Variants in PIK3C2A observed in about 807,000 individuals in gnomAD.
PIK3C2A encodes phosphatidylinositol 4-phosphate 3-kinase C2 domain-containing subunit alpha.
PIK3C2A carries 97 observed loss-of-function variants against 204.5 expected under a neutral mutation model. That is an observed-to-expected ratio of 0.47 (90% CI 0.40 to 0.56). PIK3C2A has a LOEUF of 0.56. PIK3C2A is among the 20% of genes least tolerant of loss of function. PIK3C2A has a pLI of 0.00. For missense variants in PIK3C2A, 1,735 were observed against 1,969.2 expected (o/e 0.88, Z 2.25); for synonymous variants, 653 against 664.4 (o/e 0.98, Z 0.26).
chr11:17,092,064 T>A lies in PIK3C2A; in HGVS notation c.4574A>T (p.Asp1525Val). 10 of 1,605,308 alleles carry A rather than the reference T, an allele frequency of 6.2e-6. No individual in the cohort carries two copies. The highest frequency in any genetic ancestry group is 8.5e-6 in the Non-Finnish European group (10 of 1,172,074). Residue 1525 changes from aspartate (D) to valine (V), a missense_variant, in exon 30 of 33, where the codon GAT (aspartate) becomes GTT (valine). Coordinates refer to ENST00000691414, the MANE Select transcript of PIK3C2A (RefSeq NM_002645.4). ...AGGGTGGAAGAAAGTACAAACAAGA[T>A]CACACTAAGAATAAAGAGAAAGCAA... is the stretch of plus-strand genomic sequence containing the variant. The part of the protein sequence containing the change: ...MNASTDVAEC[D>V]LVCTFFHPLL...
At chr11:17,178,711 GAATTTTTTTTT>G (rs1264581889) in intron 1 of PIK3C2A, among the ~76,000 whole-genome samples, 13 of 89,262 alleles carry the variant, frequency 1.5e-4, no homozygotes, top group Non-Finnish European at 1.3e-4. Context: ...GTTGATTTTT[GAATTTTTTTTT>G]TTTTTTTTTT....
At chr11:17,098,865 G>A (rs576680028) in intron 26 of PIK3C2A, among the ~76,000 whole-genome samples, 5 of 152,182 alleles carry the variant, frequency 3.3e-5, no homozygotes, top group African/African-American at 1.2e-4. Flanking sequence ...TAACCAGCCT[G>A]ATCACCAGAC....
intron 1 of PIK3C2A, among the ~76,000 whole-genome samples, chr11:17,175,826 A>G (rs1425401136): frequency 2.0e-5 from 3 of 152,170 alleles, no homozygotes; most frequent in Non-Finnish European, 4.4e-5. Context: ...AAACCCCAGA[A>G]AACAGAAAAA....
chr11:17,192,989 T>A (rs576107913), intron 1 of PIK3C2A, among the ~76,000 whole-genome samples: 7 of 152,314 alleles, frequency 4.6e-5, no homozygotes, highest in Admixed American at 4.6e-4. Flanking sequence ...GGGAGTACAC[T>A]CACACAATGT....
chr11:17,188,305 C>T lies in PIK3C2A; in HGVS notation c.-65-18499G>A, dbSNP rs1258529652. Among the ~76,000 whole-genome samples, 2 of 146,136 alleles carry T rather than the reference C, an allele frequency of 1.4e-5. 1 individual carries two copies. Reference sequence around the variant, plus strand: ...AGTGAGCTGAGATCATGCACCACTACACTCCAACCTGGGTGACAGAGTGAG... The same window carrying T: ...AGTGAGCTGAGATCATGCACCACTATACTCCAACCTGGGTGACAGAGTGAG... On this transcript the variant is annotated intron_variant, in intron 1 of 32. Transcript: ENST00000691414.
At chr11:17,115,664 C>G (rs867941758) in intron 19 of PIK3C2A, 1 of 150,764 alleles carries the variant, frequency 6.6e-6, no homozygotes, top group South Asian at 2.1e-4. Context: ...AAATTTTTAA[C>G]AGAACACTTC....
At position 17,178,775 on chromosome 11, in the gene PIK3C2A, T is replaced by C. The variant is rs1383162906; in HGVS notation, c.-65-8969A>G. Among the ~76,000 whole-genome samples the C allele has an allele frequency of 2.9e-3, 402 of 140,668 alleles. 3 individuals carry two copies. Among genetic ancestry groups the C allele is most frequent in the African/African-American group, 0.01 (379 of 37,674 alleles). 92.3% of individuals were successfully genotyped at this position (140,668 alleles called of 152,430 possible). On this transcript the variant is annotated intron_variant, in intron 1 of 32. Transcript: ENST00000691414. Reference sequence around the variant, plus strand: ...TCTCGCTCTGTCGCCCAGGCCGGACTGCGGACTGCAGTGGCGCAATCTCAG... The same window carrying C: ...TCTCGCTCTGTCGCCCAGGCCGGACCGCGGACTGCAGTGGCGCAATCTCAG...
intron 1 of PIK3C2A, among the ~76,000 whole-genome samples, chr11:17,188,957 G>A (rs1213771704): frequency 6.8e-6 from 1 of 146,912 alleles, no homozygotes; most frequent in African/African-American, 2.7e-5. Flanking sequence ...GAGCAGCAAG[G>A]CAGAGATCTC....
At chr11:17,136,676 C>T (rs765599398) in intron 8 of PIK3C2A, 51 bp from the exon 9 acceptor site, 5 of 1,039,806 alleles carry the variant, frequency 4.8e-6, no homozygotes, top group Non-Finnish European at 7.0e-6. Flanking sequence ...TTTAAAGGAC[C>T]AATTCCAGAG....
rs1852654587 is a variant in PIK3C2A at position 17,207,956 on chromosome 11, C to G, written c.-174G>C. ...CTCAGCCGCCGCCGAAAGCTTCGGC[C>G]GACTCCACAGCCAGCCAAGCGCAGC... On this transcript the variant is annotated 5_prime_UTR_variant, in exon 1 of 33. Transcript: ENST00000691414. 6.6e-6 allele frequency: 1 copy of G among 152,324 alleles called. No individual in the cohort carries two copies. Among genetic ancestry groups the G allele is most frequent in the African/African-American group, 2.4e-5 (1 of 41,454 alleles). The allele number at this position is 152,324 out of a possible 1,614,324, so 9.4% of individuals were successfully genotyped here. A position where few individuals can be genotyped will look rare whatever the true frequency, so the allele number is the denominator to read the frequency against.
intron 8 of PIK3C2A, among the ~76,000 whole-genome samples, chr11:17,139,317 T>C (rs1849978523): frequency 6.6e-6 from 1 of 151,996 alleles, no homozygotes; most frequent in African/African-American, 2.4e-5. Context: ...AACCTTCGCC[T>C]CCTGGGTTCA....
At chr11:17,145,818 A>T in intron 7 of PIK3C2A, 45 bp downstream of exon 7, 1 of 1,585,626 alleles carries the variant, frequency 6.3e-7, no homozygotes, top group South Asian at 1.1e-5. Flanking sequence ...TTTGCATCCA[A>T]AAACAAAGTC....
chr11:17,145,536 T>C, intron 8 of PIK3C2A, 132 bp downstream of exon 8: 6 of 599,234 alleles, frequency 1.0e-5, no homozygotes, highest in South Asian at 9.4e-5. Flanking sequence ...ACCTATTTTC[T>C]TTATAAATTA....
chr11:17,174,501 G>A lies in PIK3C2A; in HGVS notation c.-65-4695C>T, dbSNP rs1434609271. 3.2e-5 allele frequency among the ~76,000 whole-genome samples: 2 copies of A among 61,786 alleles called. 1 individual carries two copies. The highest frequency in any genetic ancestry group is 2.3e-3 in the East Asian group (2 of 880). The allele number at this position is 61,786 out of a possible 152,430, so 40.5% of individuals were successfully genotyped here. On this transcript the variant is annotated intron_variant, in intron 1 of 32. Coordinates refer to ENST00000691414, the MANE Select transcript of PIK3C2A (RefSeq NM_002645.4). ...CCCAGCTACTTGGGAGGCTGAGGCA[G>A]GAGAATGGCGTGAACCCGGGAGGCG...
rs1300761780 is a variant in PIK3C2A at position 17,169,192 on chromosome 11, G to C, written c.550C>G (p.Pro184Ala). The C allele has an allele frequency of 6.2e-7, 1 of 1,613,888 alleles. No individual in the cohort carries two copies. The highest frequency in any genetic ancestry group is 1.7e-5 in the Admixed American group (1 of 59,990). Residue 184 changes from proline to alanine, a missense_variant, in exon 2 of 33, where the codon CCT becomes GCT. Pro to Ala is a conservative substitution (Grantham distance 27). This residue lies in a region of PIK3C2A where 536 missense variants were observed against 546.7 expected (regional missense o/e 0.98). Transcript: ENST00000691414. ...TGTCCCGGAAGACTTAAATATATAG[G>C]TTCTGTAGATGGAAAAGTGGGCATT... ...PRMPTFPSTE[P>A]IYLSLPGQSP...
At chr11:17,155,661 G>A (rs765330845) in intron 2 of PIK3C2A, 32 bp from the exon 3 acceptor site, 1 of 1,305,784 alleles carries the variant, frequency 7.7e-7, no homozygotes, top group South Asian at 1.2e-5. Context: ...TATTTTAAAA[G>A]TGGAAGATCC....
rs1037625716 is a variant in PIK3C2A at position 17,086,718 on chromosome 11, G to A, written c.*3020C>T. On this transcript the variant is annotated 3_prime_UTR_variant, in exon 33 of 33. Coordinates refer to ENST00000691414, the MANE Select transcript of PIK3C2A (RefSeq NM_002645.4). Reference sequence around the variant, plus strand: ...TAATTAAAGTATTTGGTTCTTATAGGTAAGATTAATTACCATATTCATTCA... The same window carrying A: ...TAATTAAAGTATTTGGTTCTTATAGATAAGATTAATTACCATATTCATTCA... The A allele has an allele frequency of 6.6e-6, 1 of 152,022 alleles. No homozygotes were observed. Among genetic ancestry groups the A allele is most frequent in the Non-Finnish European group, 1.5e-5 (1 of 67,998 alleles). The allele number at this position is 152,022 out of a possible 1,614,324, so 9.4% of individuals were successfully genotyped here.
In PIK3C2A at chr11:17,168,879, T is replaced by A; in HGVS notation, c.863A>T (p.Asp288Val). ...TGAAACATTTTTCTCTTCCTCATGG[T>A]CTAATACCTCCACATTATCCACCTT... ...KPKVDNVEVL[D>V]HEEEKNVSSL... Residue 288 changes from aspartate (D) to valine (V), a missense_variant, in exon 2 of 33, where the codon GAC becomes GTC. Physicochemically the swap from Asp to Val is radical, Grantham distance 152. Transcript: ENST00000691414. The A allele has an allele frequency of 6.2e-7, 1 of 1,614,176 alleles. No homozygotes were observed. Among genetic ancestry groups the A allele is most frequent in the Non-Finnish European group, 8.5e-7 (1 of 1,180,032 alleles).
intron 27 of PIK3C2A, 104 bp downstream of exon 27, chr11:17,096,953 T>C (rs1848471923): frequency 8.8e-6 from 6 of 679,414 alleles, no homozygotes; most frequent in Admixed American, 2.7e-5. Context: ...GAAACAAGCA[T>C]GAATAGAACA....
Sources: allele counts gnomAD v4.1 joint callset (sites outside exome capture counted in the v4.1 genomes callset), GRCh38; gene constraint gnomAD v4.1.1; regional missense constraint gnomAD v4.1.1; transcripts MANE v1.5; gene names NCBI Gene and HGNC (gene_info 2026-07-23, HGNC 2026-07-21).